ARHGEF18: variants seen among roughly 807,000 people sequenced by gnomAD.
The protein encoded by ARHGEF18 is Rho/Rac guanine nucleotide exchange factor 18, also known as rho guanine nucleotide exchange factor 18.
Under a neutral mutation model 155.7 loss-of-function variants are expected in ARHGEF18, and 93 were observed. That is an observed-to-expected ratio of 0.60 (90% CI 0.50 to 0.71). The LOEUF is 0.71. ARHGEF18 is among the 30% of genes least tolerant of loss of function. ARHGEF18 has a pLI of 0.00. For missense variants in ARHGEF18, 1,593 were observed against 1,816.1 expected, an observed-to-expected ratio of 0.88 and a Z score of 2.23; for synonymous variants, 742 against 753.1, an observed-to-expected ratio of 0.99 and a Z score of 0.24.
At chr19:7,420,817 G>A (rs141338288) in intron 10 of ARHGEF18, among the ~76,000 whole-genome samples, 9 of 152,344 alleles carry the variant, frequency 5.9e-5, no homozygotes, top group South Asian at 4.1e-4. Context: ...CACACCCGTC[G>A]TGGAGAGGAG....
In ARHGEF18 at chr19:7,463,499, C is replaced by T. The variant is rs1297240497; in HGVS notation, c.2636-319C>T. Among the ~76,000 whole-genome samples, 2 of 152,210 alleles carry T rather than the reference C, an allele frequency of 1.3e-5. No homozygotes were observed. Among genetic ancestry groups the T allele is most frequent in the Admixed American group, 1.3e-4 (2 of 15,284 alleles). On this transcript the variant is annotated intron_variant, in intron 21 of 28. Coordinates refer to ENST00000668164, the MANE Select transcript of ARHGEF18 (RefSeq NM_001367823.1). The surrounding 1 kb of genome is among the most constrained non-coding windows in gnomAD (Gnocchi z 5.2). ...TTCCTGCTGGCCCTGGGCAGGGCCA[C>T]ATCCAGCATTCGCCAGCCCCTGGCC...
chr19:7,351,305 TTTTGTTTGTTTGTTTG>T (rs143178894), intron 1 of ARHGEF18, among the ~76,000 whole-genome samples: 3 of 150,422 alleles, frequency 2.0e-5, no homozygotes, highest in African/African-American at 2.4e-5. Context: ...AGTGGACTTC[TTTTGTTTGTTTGTTTG>T]TTTGTTTGTT....
In ARHGEF18 at chr19:7,362,210, A is replaced by G. The variant is rs1199135521; in HGVS notation, c.-110-571A>G. Among the ~76,000 whole-genome samples, 5 of 128,380 alleles carry G rather than the reference A, an allele frequency of 3.9e-5. 1 individual carries two copies. Among genetic ancestry groups the G allele is most frequent in the Non-Finnish European group, 6.1e-5 (4 of 65,058 alleles). 84.2% of individuals were successfully genotyped at this position (128,380 alleles called of 152,430 possible). On this transcript the variant is annotated intron_variant, in intron 1 of 28. Transcript: ENST00000668164. ...GAGAAGAAGGAGAAGAAGAAGGAGA[A>G]AAGAAGAGGAAGAAGAGGAAGAAGA...
At chr19:7,369,644 A>G (rs1278534132) in intron 2 of ARHGEF18, among the ~76,000 whole-genome samples, 1 of 149,578 alleles carries the variant, frequency 6.7e-6, no homozygotes, top group Non-Finnish European at 1.5e-5. Context: ...TAAAAATACA[A>G]AAATTAGCCG....
At chr19:7,429,931 T>C (rs1309086802) in intron 10 of ARHGEF18, among the ~76,000 whole-genome samples, 1 of 148,716 alleles carries the variant, frequency 6.7e-6, no homozygotes, top group Non-Finnish European at 1.5e-5. Flanking sequence ...CTGGAAGTAC[T>C]TTTTTTTTTT....
At chr19:7,375,028 T>C (rs1216164290) in intron 3 of ARHGEF18, among the ~76,000 whole-genome samples, 1 of 151,890 alleles carries the variant, frequency 6.6e-6, no homozygotes, top group Non-Finnish European at 1.5e-5. Context: ...TCCCAGCACT[T>C]TGGGAGGCAG....
In ARHGEF18 at chr19:7,462,120, G is replaced by A. The variant is rs201780416; in HGVS notation, c.2453-32G>A. On this transcript the variant is annotated intron_variant, in intron 20 of 28. Coordinates refer to ENST00000668164, the MANE Select transcript of ARHGEF18 (RefSeq NM_001367823.1). The surrounding 1 kb of genome is among the most constrained non-coding windows in gnomAD (Gnocchi z 4.4). ...AGATGATTCCAGGGAAGGCCGACCC[G>A]GCTGACTGCCACCTCCACCATCACT... The A allele has an allele frequency of 1.0e-4, 165 of 1,613,172 alleles. No individual in the cohort carries two copies. Among genetic ancestry groups the A allele is most frequent in the African/African-American group, 1.7e-4 (13 of 74,898 alleles).
At chr19:7,474,626 T>C (rs535091122), downstream of ARHGEF18, among the ~76,000 whole-genome samples, 19 of 151,888 alleles carry the variant, frequency 1.3e-4, no homozygotes, top group East Asian at 2.0e-4. Flanking sequence ...GATCTGCCTG[T>C]CTCGGCCTCC....
intron 10 of ARHGEF18, among the ~76,000 whole-genome samples, chr19:7,421,401 A>G (rs529260031): frequency 8.7e-4 from 132 of 152,244 alleles, no homozygotes; most frequent in African/African-American, 3.1e-3. Flanking sequence ...GACTTTTCCC[A>G]TATGCCGGAC....
intron 10 of ARHGEF18, among the ~76,000 whole-genome samples, chr19:7,409,693 C>T (rs1238295145): frequency 1.3e-5 from 2 of 151,760 alleles, no homozygotes; most frequent in Non-Finnish European, 2.9e-5. Flanking sequence ...AGGCCCACCT[C>T]GGCCTCCCAG....
At chr19:7,422,066 C>T (rs1276180988) in intron 10 of ARHGEF18, among the ~76,000 whole-genome samples, 2 of 152,098 alleles carry the variant, frequency 1.3e-5, no homozygotes, top group East Asian at 3.9e-4. Flanking sequence ...TCACCCTCTG[C>T]CTTCCTTAAG....
At chr19:7,451,099 G>T (rs576116162) in intron 15 of ARHGEF18, 50 bp from the exon 16 acceptor site, 3 of 1,397,662 alleles carry the variant, frequency 2.1e-6, no homozygotes, top group East Asian at 5.1e-5. Flanking sequence ...ACAGGATCTT[G>T]CTGTCCGTTT....
intron 10 of ARHGEF18, among the ~76,000 whole-genome samples, chr19:7,418,368 C>T (rs998966702): frequency 4.6e-5 from 7 of 152,174 alleles, no homozygotes; most frequent in Non-Finnish European, 1.5e-5. Flanking sequence ...AAGCGATCCT[C>T]CTGCCTCAGC....
chr19:7,379,004 T>C, intron 6 of ARHGEF18, 118 bp from the exon 7 acceptor site: 1 of 880,940 alleles, frequency 1.1e-6, no homozygotes, highest in Non-Finnish European at 1.5e-6. Context: ...ACTGTGGCTT[T>C]GAGTAGGGTC....
chr19:7,381,056 G>T (rs763769319), intron 8 of ARHGEF18, 62 bp downstream of exon 8: 122 of 1,188,588 alleles, frequency 1.0e-4, no homozygotes, highest in Non-Finnish European at 1.3e-4. Context: ...GTTTACAGAT[G>T]GTCCTTTGGG....
chr19:7,408,020 T>C (rs1972445528), intron 10 of ARHGEF18, among the ~76,000 whole-genome samples: 1 of 146,754 alleles, frequency 6.8e-6, no homozygotes, highest in South Asian at 2.1e-4. Context: ...GGCTCACGCC[T>C]GTAATCTCAG....
At position 7,382,794 on chromosome 19, in the gene ARHGEF18, G is replaced by A. The variant is rs545108657; in HGVS notation, c.725G>A (p.Ser242Asn). The A allele has an allele frequency of 1.4e-4, 169 of 1,232,412 alleles. No homozygotes were observed. Among genetic ancestry groups the A allele is most frequent in the Admixed American group, 6.3e-4 (15 of 23,706 alleles). 76.3% of individuals were successfully genotyped at this position (1,232,412 alleles called of 1,614,324 possible). The change falls in exon 9 of 29, where the codon AGC (serine) becomes AAC (asparagine). Residue 242 changes from serine (S) to asparagine (N), a missense_variant and splice_region_variant. By Grantham distance (46) the Ser-to-Asn change is conservative. Coordinates refer to ENST00000668164, the MANE Select transcript of ARHGEF18 (RefSeq NM_001367823.1). ...NLTWFEFLSE[S>N]EDGAGKNEKS... ...GGACCTTCCCTCTCGTCCCTCAGGAGCGAGGACGGTGCTGGCAAGAACGAG... is the reference window on the plus strand; with the variant it reads ...GGACCTTCCCTCTCGTCCCTCAGGAACGAGGACGGTGCTGGCAAGAACGAG...
At chr19:7,424,521 G>A (rs1973543120) in intron 10 of ARHGEF18, among the ~76,000 whole-genome samples, 1 of 152,106 alleles carries the variant, frequency 6.6e-6, no homozygotes, top group Non-Finnish European at 1.5e-5. Flanking sequence ...CGATTAAAGC[G>A]ATACTTACAA....
At chr19:7,350,536 G>T (rs1969128284) in intron 1 of ARHGEF18, among the ~76,000 whole-genome samples, 1 of 152,160 alleles carries the variant, frequency 6.6e-6, no homozygotes, top group African/African-American at 2.4e-5. Context: ...ACACGTCGGT[G>T]CTTCTGGTCT....
Sources: allele counts gnomAD v4.1 joint callset (sites outside exome capture counted in the v4.1 genomes callset), GRCh38; gene constraint gnomAD v4.1.1; non-coding constraint Gnocchi (gnomAD v3.1); transcripts MANE v1.5; gene names NCBI Gene and HGNC (gene_info 2026-07-23, HGNC 2026-07-21).